The following NBPF26 variants were observed in gnomAD, a reference collection of about 807,000 sequenced individuals.
NBPF26 encodes the protein NBPF family member NBPF26.
In NBPF26, 79 loss-of-function variants were observed where a neutral mutation model predicts 119.6. That is an observed-to-expected ratio of 0.66 (90% CI 0.55 to 0.80). The LOEUF (loss-of-function observed/expected upper bound fraction) is 0.80. NBPF26 is among the 30% of genes least tolerant of loss of function. The probability of loss-of-function intolerance (pLI) is 0.00; values close to 1 mark genes in which losing one functional copy is unlikely to be tolerated. For missense variants in NBPF26, 800 were observed against 1,198.2 expected, an observed-to-expected ratio of 0.67 and a Z score of 4.91; for synonymous variants, 299 against 457.7, an observed-to-expected ratio of 0.65 and a Z score of 4.43.
At chr1:120,811,036 T>C (rs1398748728) in intron 9 of NBPF26, among the ~76,000 whole-genome samples, 1 of 100,148 alleles carries the variant, frequency 1.0e-5, no homozygotes, top group South Asian at 2.9e-4. Flanking sequence ...GTCAGGAGAT[T>C]GAGACCATCC....
rs1651837297 is a variant in NBPF26, at chr1:120,810,578, T to G, written c.1564+20T>G. 2.8e-6 allele frequency: 4 copies of G among 1,411,762 alleles called. No individual in the cohort carries two copies. Among genetic ancestry groups the G allele is most frequent in the Non-Finnish European group, 3.9e-6 (4 of 1,035,782 alleles). 87.5% of individuals were successfully genotyped at this position (1,411,762 alleles called of 1,614,324 possible). A position where few individuals can be genotyped will look rare whatever the true frequency, so the allele number is the denominator to read the frequency against. ...TCCCAGGTAGCCTCTATTTTCCTTG[T>G]GTCTCATACCTCTGTCTAGGCTATG... On this transcript the variant is annotated intron_variant, in intron 9 of 29. Coordinates refer to ENST00000620612, the Ensembl canonical transcript of NBPF26.
rs1177215966 is a variant in NBPF26 at position 120,728,830 on chromosome 1, C to G, written c.73+4580C>G. On this transcript the variant is annotated intron_variant, in intron 1 of 29. Transcript: ENST00000620612. ...ATATTTGCTTTTTTTTTTTTTGAAC[C>G]AAGAGAGTCCCCTGAACACCCTACT... is the stretch of plus-strand genomic sequence containing the variant. Among the ~76,000 whole-genome samples the G allele has an allele frequency of 8.0e-4, 87 of 108,482 alleles. 11 individuals are homozygous for G. Among genetic ancestry groups the G allele is most frequent in the Non-Finnish European group, 1.9e-4 (11 of 58,474 alleles). The allele number at this position is 108,482 out of a possible 152,430, so 71.2% of individuals were successfully genotyped here. A position where few individuals can be genotyped will look rare whatever the true frequency, so the allele number is the denominator to read the frequency against.
intron 1 of NBPF26, among the ~76,000 whole-genome samples, chr1:120,752,519 A>AATATATATATATATATAT (rs1204399606): frequency 1.4e-4 from 2 of 14,664 alleles, no homozygotes; most frequent in Non-Finnish European, 1.0e-4. Flanking sequence ...GAAGTTCAGG[A>AATATATATATATATATAT]ATATATATAT....
intron 1 of NBPF26, among the ~76,000 whole-genome samples, chr1:120,733,170 G>T: frequency 1.9e-5 from 2 of 103,874 alleles, no homozygotes; most frequent in African/African-American, 6.0e-5. Context: ...ATATATATAT[G>T]CACACACACA....
chr1:120,790,584 CTT>C lies in NBPF26; in HGVS notation c.416-2575_416-2574del, dbSNP rs1439031944. Among the ~76,000 whole-genome samples, 5 of 101,362 alleles carry C rather than the reference CTT, an allele frequency of 4.9e-5. No individual in the cohort carries two copies. In the Middle Eastern group the frequency reaches 0.012, roughly 245 times the overall value. The allele number at this position is 101,362 out of a possible 152,430, so 66.5% of individuals were successfully genotyped here. ...TCTTTCTTTCTTTCTTTCTTTCTTT[CTT>C]TCTTTCTCTTTCTCTCTCTTTCCCT... On this transcript the variant is annotated intron_variant, in intron 3 of 29. Coordinates refer to ENST00000620612, the Ensembl canonical transcript of NBPF26.
downstream of NBPF26, chr1:120,840,739 C>T: frequency 8.7e-7 from 1 of 1,151,314 alleles, no homozygotes; most frequent in South Asian, 1.5e-5. Context: ...TCAAACCATG[C>T]CAGTGGCAAC....
At chr1:120,733,157 T>C (rs1650882379) in intron 1 of NBPF26, among the ~76,000 whole-genome samples, 1 of 106,880 alleles carries the variant, frequency 9.4e-6, no homozygotes, top group Admixed American at 9.3e-5. Context: ...CAGATCTACA[T>C]ATATATATAT....
intron 2 of NBPF26, among the ~76,000 whole-genome samples, chr1:120,784,024 A>G (rs1651394928): frequency 8.8e-6 from 1 of 113,826 alleles, no homozygotes; most frequent in Non-Finnish European, 1.7e-5. Flanking sequence ...TAAGAAGTAG[A>G]TGGAAAAGAA....
At chr1:120,817,527 C>G (rs1449303296) in intron 14 of NBPF26, among the ~76,000 whole-genome samples, 1 of 43,574 alleles carries the variant, frequency 2.3e-5, no homozygotes, top group Non-Finnish European at 3.6e-5. Context: ...CTCCCAGATT[C>G]AAGTGATTCT....
chr1:120,814,784 C>T, intron 11 of NBPF26, 45 bp from the exon 12 acceptor site: 6 of 1,207,782 alleles, frequency 5.0e-6, no homozygotes, highest in South Asian at 1.3e-5. Flanking sequence ...GAGCGGATCA[C>T]TCAACCCTTT....
rs1332471614 is a variant in NBPF26, at chr1:120,805,936, T to A, written c.961+171T>A. The stretch of plus-strand genomic sequence containing the variant: ...AAGTTGGAAGACAGAGGTACCAAAA[T>A]ATTTAGCAACTTTCCATGTTTGCAA... On this transcript the variant is annotated intron_variant, in intron 5 of 29. Coordinates refer to ENST00000620612, the Ensembl canonical transcript of NBPF26. Among the ~76,000 whole-genome samples, 4 of 111,380 alleles carry A rather than the reference T, an allele frequency of 3.6e-5. 1 individual carries two copies. Among genetic ancestry groups the A allele is most frequent in the Non-Finnish European group, 5.2e-5 (3 of 57,518 alleles). The allele number at this position is 111,380 out of a possible 152,430, so 73.1% of individuals were successfully genotyped here. A position where few individuals can be genotyped will look rare whatever the true frequency, so the allele number is the denominator to read the frequency against.
Position 120,818,966 on chromosome 1 carries a change from G to A in NBPF26, c.2423+792G>A, listed in dbSNP as rs1480394033. On this transcript the variant is annotated intron_variant, in intron 15 of 29. Transcript: ENST00000620612. ...AGAATGTATATTCTGTTGATTTGGTGTGGAGAGTTCTGTAGATGTCTTTTA... is the reference window on the plus strand; with the variant it reads ...AGAATGTATATTCTGTTGATTTGGTATGGAGAGTTCTGTAGATGTCTTTTA... Among the ~76,000 whole-genome samples, 28 of 103,598 alleles carry A rather than the reference G, an allele frequency of 2.7e-4. 3 individuals carry two copies. The highest frequency in any genetic ancestry group is 5.7e-4 in the South Asian group (2 of 3,520). The allele number at this position is 103,598 out of a possible 152,430, so 68.0% of individuals were successfully genotyped here.
intron 2 of NBPF26, among the ~76,000 whole-genome samples, chr1:120,780,116 G>A (rs1490499009): frequency 8.2e-6 from 1 of 121,320 alleles, no homozygotes; most frequent in Non-Finnish European, 1.6e-5. Flanking sequence ...AGCCTGCTAT[G>A]GAACCAGCTG....
chr1:120,779,722 A>G (rs1651341003), intron 2 of NBPF26, among the ~76,000 whole-genome samples: 1 of 121,392 alleles, frequency 8.2e-6, no homozygotes, highest in Non-Finnish European at 1.7e-5. Flanking sequence ...CCATGTTTTC[A>G]CTCTCTAACC....
chr1:120,747,794 A>G lies in NBPF26; in HGVS notation c.74-15834A>G, dbSNP rs1650991399. Among the ~76,000 whole-genome samples the G allele has an allele frequency of 6.7e-5, 2 of 29,834 alleles. 1 individual carries two copies. Among genetic ancestry groups the G allele is most frequent in the African/African-American group, 8.0e-4 (2 of 2,490 alleles). 19.6% of individuals were successfully genotyped at this position (29,834 alleles called of 152,430 possible). On this transcript the variant is annotated intron_variant, in intron 1 of 29. Transcript: ENST00000620612. Reference sequence around the variant, plus strand: ...AATTGAAGAGTTTAATGTCTAAGATATTTGTTCTTTTGTTTGTAGCTTATC... The same window carrying G: ...AATTGAAGAGTTTAATGTCTAAGATGTTTGTTCTTTTGTTTGTAGCTTATC...
At position 120,759,892 on chromosome 1, in the gene NBPF26, C is replaced by A. The variant is rs1651115278; in HGVS notation, c.74-3736C>A. Among the ~76,000 whole-genome samples, 2 of 107,044 alleles carry A rather than the reference C, an allele frequency of 1.9e-5. 1 individual carries two copies. The highest frequency in any genetic ancestry group is 3.5e-5 in the Non-Finnish European group (2 of 57,946). The allele number at this position is 107,044 out of a possible 152,430, so 70.2% of individuals were successfully genotyped here. A position where few individuals can be genotyped will look rare whatever the true frequency, so the allele number is the denominator to read the frequency against. Reference sequence around the variant, plus strand: ...ACCCTATTATTAACTATATTCACCACTCTATGCAATATATCTCAAACATAT... The same window carrying A: ...ACCCTATTATTAACTATATTCACCAATCTATGCAATATATCTCAAACATAT... On this transcript the variant is annotated intron_variant, in intron 1 of 29. Transcript: ENST00000620612.
chr1:120,759,675 C>T lies in NBPF26; in HGVS notation c.74-3953C>T, dbSNP rs1571023381. ...TCATTTTTGCTCCTGAGTAAAGCCA[C>T]AAGTCTCAAGATTATTTTTCTTTTT... On this transcript the variant is annotated intron_variant, in intron 1 of 29. Transcript: ENST00000620612. Among the ~76,000 whole-genome samples, 3 of 101,936 alleles carry T rather than the reference C, an allele frequency of 2.9e-5. 1 individual carries two copies. Among genetic ancestry groups the T allele is most frequent in the South Asian group, 2.8e-4 (1 of 3,634 alleles). The allele number at this position is 101,936 out of a possible 152,430, so 66.9% of individuals were successfully genotyped here.
At position 120,794,224 on chromosome 1, in the gene NBPF26, T is replaced by C. The variant is rs1431964867; in HGVS notation, c.751+728T>C. On this transcript the variant is annotated intron_variant, in intron 4 of 29. Coordinates refer to ENST00000620612, the Ensembl canonical transcript of NBPF26. ...TGCACACACAACCCAAAGATAGAAA[T>C]AAAAAGAGGAGCAGTGTCGGGGAGC... is the stretch of plus-strand genomic sequence containing the variant. Among the ~76,000 whole-genome samples, 17 of 114,524 alleles carry C rather than the reference T, an allele frequency of 1.5e-4. 3 individuals carry two copies. In the South Asian group the frequency reaches 3.8e-3, roughly 26 times the overall value. The allele number at this position is 114,524 out of a possible 152,430, so 75.1% of individuals were successfully genotyped here.
Position 120,806,587 on chromosome 1 carries a change from G to A in NBPF26, c.961+822G>A, listed in dbSNP as rs1277684125. On this transcript the variant is annotated intron_variant, in intron 5 of 29. Coordinates refer to ENST00000620612, the Ensembl canonical transcript of NBPF26. ...CAGCATGGGTGACAGGGCAAGACTC[G>A]TCAAAAAACAAACAAACAAAACGAT... Among the ~76,000 whole-genome samples the A allele has an allele frequency of 3.1e-3, 386 of 125,102 alleles. 71 individuals carry two copies. Among genetic ancestry groups the A allele is most frequent in the Non-Finnish European group, 5.0e-3 (306 of 61,374 alleles). The allele number at this position is 125,102 out of a possible 152,430, so 82.1% of individuals were successfully genotyped here.
Sources: gnomAD v4.1 joint callset for allele counts (sites outside exome capture counted in the v4.1 genomes callset) on GRCh38, gnomAD v4.1.1 for gene constraint, MANE v1.5 for transcripts, NCBI Gene and HGNC (gene_info 2026-07-23, HGNC 2026-07-21) for gene names.